Variants in WASHC5 observed in about 807,000 individuals in gnomAD.
WASHC5 encodes the protein WASH complex subunit 5.
WASHC5 carries 101 observed loss-of-function variants against 150.4 expected under a neutral mutation model. The ratio of observed to expected loss-of-function variants is 0.67; its 90% CI spans 0.57 to 0.79. The LOEUF is 0.79. Ranked by LOEUF, WASHC5 falls within the 30% of genes least tolerant of loss-of-function variation. The pLI is 0.00. For synonymous variants in WASHC5, 467 were observed against 491.2 expected, an observed-to-expected ratio of 0.95 and a Z score of 0.65; for missense variants, 1,195 against 1,396.3, an observed-to-expected ratio of 0.86 and a Z score of 2.30.
intron 11 of WASHC5, among the ~76,000 whole-genome samples, chr8:125,063,158 C>T (rs552807974): frequency 1.3e-5 from 2 of 151,762 alleles, no homozygotes; most frequent in African/African-American, 4.9e-5. Context: ...CCTTTCCCCC[C>T]TTTCCCCAAA....
chr8:125,031,228 G>A (rs10956230), intron 27 of WASHC5, among the ~76,000 whole-genome samples: 1 of 152,116 alleles, frequency 6.6e-6, no homozygotes, highest in East Asian at 1.9e-4. Context: ...ATCATTTCCA[G>A]TTTTAGGACT....
chr8:125,078,228 C>G (rs547551289), intron 6 of WASHC5, among the ~76,000 whole-genome samples: 1 of 152,270 alleles, frequency 6.6e-6, no homozygotes, highest in African/African-American at 2.4e-5. Context: ...CAGCCTTGCT[C>G]AGGCTGCCTC....
In WASHC5 at chr8:125,044,625, G is replaced by A. The variant is rs1816002126; in HGVS notation, c.2578C>T (p.Leu860Phe). Residue 860 changes from leucine (L) to phenylalanine (F), a missense_variant, in exon 21 of 29, where the codon CTC (leucine) becomes TTC (phenylalanine). Physicochemically the swap from Leu to Phe is conservative, Grantham distance 22. Transcript: ENST00000318410. ...KTHQEVTSSR[L>F]FSEIQTTLGT... ...AAGGTGGTCTGGATTTCTGAGAAGA[G>A]GCGGCTGCTGGTCACTTCCTGATGA... is the stretch of plus-strand genomic sequence containing the variant. The A allele has an allele frequency of 2.5e-6, 4 of 1,614,102 alleles. No homozygotes were observed. The highest frequency in any genetic ancestry group is 3.4e-6 in the Non-Finnish European group (4 of 1,179,950).
chr8:125,088,435 A>G (rs1563640142), intron 1 of WASHC5, among the ~76,000 whole-genome samples: 2 of 140,312 alleles, frequency 1.4e-5, no homozygotes, highest in African/African-American at 6.1e-5. Flanking sequence ...AAAAAAAAAA[A>G]AGGGGGAGGG....
In WASHC5 at chr8:125,043,984, A is replaced by G; in HGVS notation, c.2770+8T>C. 1.2e-6 allele frequency: 2 copies of G among 1,606,306 alleles called. No homozygotes were observed. Among genetic ancestry groups the G allele is most frequent in the Non-Finnish European group, 1.7e-6 (2 of 1,172,910 alleles). On this transcript the variant is annotated splice_region_variant and intron_variant, in intron 22 of 28. Transcript: ENST00000318410. ...CATCCCCGCCTCAGGTAGTTTCAGG[A>G]CACTCACCGACAATACTTTTTAGGG...
chr8:125,068,374 C>T (rs75593549), intron 9 of WASHC5, among the ~76,000 whole-genome samples: 3,987 of 152,222 alleles, frequency 0.026, 177 homozygotes, highest in African/African-American at 0.092. Flanking sequence ...TCTAATGAGC[C>T]TTCCTGGTTG....
At chr8:125,041,397 TG>T (rs1815881997) in intron 23 of WASHC5, among the ~76,000 whole-genome samples, 2 of 152,256 alleles carry the variant, frequency 1.3e-5, no homozygotes, top group South Asian at 4.2e-4. Flanking sequence ...CCCAGCACTT[TG>T]GGAGGCCGAG....
At chr8:125,028,547 G>T in intron 28 of WASHC5, 73 bp downstream of exon 28, 1 of 1,114,698 alleles carries the variant, frequency 9.0e-7, no homozygotes, top group Non-Finnish European at 1.4e-6. Context: ...CTTCACTCCT[G>T]ATGAATCCAG....
At chr8:125,089,407 C>T (rs1194731048) in intron 1 of WASHC5, among the ~76,000 whole-genome samples, 3 of 152,062 alleles carry the variant, frequency 2.0e-5, no homozygotes, top group Non-Finnish European at 2.9e-5. Context: ...TAAAAAAAAT[C>T]GCAAAAAAAT....
At chr8:125,081,979 C>T (rs1272555266) in intron 4 of WASHC5, among the ~76,000 whole-genome samples, 1 of 152,240 alleles carries the variant, frequency 6.6e-6, no homozygotes, top group Non-Finnish European at 1.5e-5. Flanking sequence ...GATAATTTTT[C>T]AGTTGACCTA....
chr8:125,040,941 G>A (rs950760098), intron 23 of WASHC5, among the ~76,000 whole-genome samples: 2 of 152,334 alleles, frequency 1.3e-5, no homozygotes, highest in African/African-American at 2.4e-5. Context: ...ATAAAACATA[G>A]AGGGTAACAG....
Position 125,044,138 on chromosome 8 carries a change from TA to T in WASHC5, c.2668-45del, listed in dbSNP as rs774800342. The T allele has an allele frequency of 1.5e-5, 20 of 1,299,430 alleles. No individual in the cohort carries two copies. In the South Asian group the frequency reaches 2.4e-4, roughly 16 times the overall value. The allele number at this position is 1,299,430 out of a possible 1,614,324, so 80.5% of individuals were successfully genotyped here. On this transcript the variant is annotated intron_variant, in intron 21 of 28. Transcript: ENST00000318410. The stretch of plus-strand genomic sequence containing the variant: ...GGTCAAAGAACCAAACATAATGAAT[TA>T]AACAAGCAAATTCTCCAGTTACCTA...
At chr8:125,081,824 G>T in intron 4 of WASHC5, 63 bp from the exon 5 acceptor site, 1 of 966,374 alleles carries the variant, frequency 1.0e-6, no homozygotes, top group Middle Eastern at 2.1e-4. Flanking sequence ...GAGTAAAGTC[G>T]GTAATCATGA....
At chr8:125,083,307 G>C in intron 2 of WASHC5, 49 bp from the exon 3 acceptor site, 2 of 1,560,766 alleles carry the variant, frequency 1.3e-6, no homozygotes, top group Non-Finnish European at 1.8e-6. Context: ...ATACTTGTTG[G>C]TGACAATTTC....
intron 1 of WASHC5, among the ~76,000 whole-genome samples, chr8:125,088,936 C>T (rs1376027986): frequency 6.6e-6 from 1 of 152,112 alleles, no homozygotes; most frequent in Non-Finnish European, 1.5e-5. Flanking sequence ...GCTAAAGTGG[C>T]TGGAGCAGAG....
intron 14 of WASHC5, 115 bp from the exon 15 acceptor site, chr8:125,057,781 T>A (rs1816457571): frequency 1.5e-6 from 1 of 664,478 alleles, no homozygotes; most frequent in Non-Finnish European, 2.5e-6. Flanking sequence ...ACAGAGGGCA[T>A]TAATAGTTTC....
intron 20 of WASHC5, among the ~76,000 whole-genome samples, chr8:125,046,285 G>A (rs111706735): frequency 8.6e-4 from 130 of 151,578 alleles, no homozygotes; most frequent in African/African-American, 3.2e-3. Context: ...TTCTCCTGAG[G>A]CTCAAATGAA....
At chr8:125,027,224 T>C (rs1166703744) in intron 28 of WASHC5, among the ~76,000 whole-genome samples, 1 of 152,178 alleles carries the variant, frequency 6.6e-6, no homozygotes, top group Non-Finnish European at 1.5e-5. Flanking sequence ...CATGATTCTA[T>C]TGGGTATTCA....
chr8:125,086,973 A>T (rs539060299), intron 1 of WASHC5, among the ~76,000 whole-genome samples: 2 of 152,204 alleles, frequency 1.3e-5, no homozygotes, highest in South Asian at 2.1e-4. Flanking sequence ...TAGACATATA[A>T]GGGATGAGGC....
Sources: allele counts gnomAD v4.1 joint callset (sites outside exome capture counted in the v4.1 genomes callset), GRCh38; gene constraint gnomAD v4.1.1; transcripts MANE v1.5; gene names NCBI Gene and HGNC (gene_info 2026-07-23, HGNC 2026-07-21).